The following ADIPOR2 variants were observed in gnomAD, a reference collection of about 807,000 sequenced individuals.
ADIPOR2 encodes adiponectin receptor 2.
Under a neutral mutation model 40.9 loss-of-function variants are expected in ADIPOR2, and 18 were observed. That is an observed-to-expected ratio of 0.44 (90% confidence interval 0.30 to 0.65). ADIPOR2 has a LOEUF of 0.65. Among genes scored for constraint, ADIPOR2 ranks in the 30% least tolerant of loss-of-function variants. The pLI, the probability that ADIPOR2 is intolerant of heterozygous loss-of-function variation, is 0.09. For missense variants in ADIPOR2, 283 were observed against 479.2 expected (o/e 0.59, Z 3.82); for synonymous variants, 165 against 166.4 (o/e 0.99, Z 0.06).
intron 1 of ADIPOR2, among the ~76,000 whole-genome samples, chr12:1,722,058 G>T (rs73591726): frequency 1.3e-5 from 2 of 152,186 alleles, no homozygotes; most frequent in African/African-American, 4.8e-5. Flanking sequence ...TGTCGCTGCC[G>T]TGTGAAGACT....
chr12:1,711,418 A>G (rs1002739905), intron 1 of ADIPOR2, among the ~76,000 whole-genome samples: 26 of 151,998 alleles, frequency 1.7e-4, no homozygotes, highest in Non-Finnish European at 3.2e-4. Context: ...TCCTGGGGCA[A>G]TGTTAATGTT....
chr12:1,730,569 A>T (rs1173912061), intron 1 of ADIPOR2, among the ~76,000 whole-genome samples: 1 of 149,310 alleles, frequency 6.7e-6, no homozygotes, highest in Non-Finnish European at 1.5e-5. Context: ...GTGAGCCGAG[A>T]TAGTGCTACT....
At chr12:1,726,843 CATT>C (rs770094646) in intron 1 of ADIPOR2, among the ~76,000 whole-genome samples, 1 of 152,144 alleles carries the variant, frequency 6.6e-6, no homozygotes, top group African/African-American at 2.4e-5. Context: ...AAAAGAAACT[CATT>C]ATTGTTCCGC....
intron 1 of ADIPOR2, among the ~76,000 whole-genome samples, chr12:1,719,558 G>C (rs2154442067): frequency 6.6e-6 from 1 of 152,242 alleles, no homozygotes; most frequent in South Asian, 2.1e-4. Flanking sequence ...GTATCTTCCA[G>C]GATTGTTGTA....
Position 1,787,142 on chromosome 12 carries a change from A to C in ADIPOR2, c.*1070A>C, listed in dbSNP as rs1862854082. The C allele has an allele frequency of 6.6e-6, 1 of 152,126 alleles. No individual in the cohort carries two copies. The highest frequency in any genetic ancestry group is 1.5e-5 in the Non-Finnish European group (1 of 68,026). 9.4% of individuals were successfully genotyped at this position (152,126 alleles called of 1,614,324 possible). On this transcript the variant is annotated 3_prime_UTR_variant, in exon 8 of 8. Transcript: ENST00000357103. Reference sequence around the variant, plus strand: ...CCCTCTATTAAAAATCACTGCCCTAACTACACTTCCTCCTTGAGGGAATAG... The same window carrying C: ...CCCTCTATTAAAAATCACTGCCCTACCTACACTTCCTCCTTGAGGGAATAG...
chr12:1,736,594 T>G (rs1422704618), intron 1 of ADIPOR2, among the ~76,000 whole-genome samples: 3 of 152,240 alleles, frequency 2.0e-5, no homozygotes, highest in Non-Finnish European at 1.5e-5. Context: ...TGAAGGGTTT[T>G]TTTGTGTCTC....
chr12:1,730,964 T>C (rs527674598), intron 1 of ADIPOR2: 2 of 152,336 alleles, frequency 1.3e-5, no homozygotes, highest in Admixed American at 1.3e-4. Flanking sequence ...GAAAATTATG[T>C]TTATTATTAA....
intron 1 of ADIPOR2, among the ~76,000 whole-genome samples, chr12:1,728,365 C>G (rs1452620343): frequency 6.6e-6 from 1 of 151,830 alleles, no homozygotes; most frequent in East Asian, 2.0e-4. Context: ...CCACCTCAGC[C>G]TTTCAAAGTG....
intron 1 of ADIPOR2, among the ~76,000 whole-genome samples, chr12:1,703,951 G>A (rs1430027036): frequency 2.7e-5 from 4 of 148,458 alleles, no homozygotes; most frequent in Non-Finnish European, 4.4e-5. Flanking sequence ...TGGCCTGACT[G>A]ATCCTCCTGC....
intron 1 of ADIPOR2, among the ~76,000 whole-genome samples, chr12:1,734,494 G>T (rs1416999554): frequency 6.7e-6 from 1 of 148,728 alleles, no homozygotes; most frequent in African/African-American, 2.5e-5. Context: ...TGAGTTCATT[G>T]TAGATTCTGG....
intron 1 of ADIPOR2, among the ~76,000 whole-genome samples, chr12:1,740,605 TGA>T (rs2094740634): frequency 6.6e-6 from 1 of 152,220 alleles, no homozygotes; most frequent in African/African-American, 2.4e-5. Flanking sequence ...ATATGAATTT[TGA>T]GAGGCTACAA....
intron 1 of ADIPOR2, among the ~76,000 whole-genome samples, chr12:1,699,103 C>T (rs988532700): frequency 1.3e-5 from 2 of 152,102 alleles, no homozygotes; most frequent in Non-Finnish European, 2.9e-5. Flanking sequence ...CAAAAAGAAT[C>T]TGGGTGCCTG....
At chr12:1,704,824 T>A (rs1441000509) in intron 1 of ADIPOR2, among the ~76,000 whole-genome samples, 1 of 152,166 alleles carries the variant, frequency 6.6e-6, no homozygotes, top group African/African-American at 2.4e-5. Flanking sequence ...TATTCTAAAT[T>A]TTTCTTTTTT....
intron 1 of ADIPOR2, among the ~76,000 whole-genome samples, chr12:1,709,578 T>C (rs1389861179): frequency 2.0e-5 from 3 of 152,218 alleles, no homozygotes; most frequent in Non-Finnish European, 4.4e-5. Context: ...TGTGGCTTAT[T>C]TTAATTTCTC....
At chr12:1,708,311 A>T (rs1201718309) in intron 1 of ADIPOR2, among the ~76,000 whole-genome samples, 2 of 151,920 alleles carry the variant, frequency 1.3e-5, no homozygotes, top group Non-Finnish European at 2.9e-5. Flanking sequence ...AGATGACTGT[A>T]TTCTTTTGTT....
chr12:1,783,305 A>G (rs1862760884), intron 6 of ADIPOR2, among the ~76,000 whole-genome samples: 2 of 151,946 alleles, frequency 1.3e-5, no homozygotes, highest in Non-Finnish European at 2.9e-5. Context: ...AAACTCCTGG[A>G]GCTGTCCTTT....
In ADIPOR2 at chr12:1,691,137, C is replaced by A. The variant is rs531234826; in HGVS notation, c.-141C>A. On this transcript the variant is annotated 5_prime_UTR_variant, in exon 1 of 8. Coordinates refer to ENST00000357103, the MANE Select transcript of ADIPOR2 (RefSeq NM_024551.3). ...GGCTTGGCCCCCTCCCTCCTCCGTT[C>A]CCCCCTCCTCCCCCCTCCCCTCAGC... 11 of 157,056 alleles carry A rather than the reference C, an allele frequency of 7.0e-5. No individual in the cohort carries two copies. In the East Asian group the frequency reaches 9.5e-4, roughly 14 times the overall value. 9.7% of individuals were successfully genotyped at this position (157,056 alleles called of 1,614,324 possible).
intron 1 of ADIPOR2, chr12:1,702,826 G>A (rs1207576194): frequency 6.6e-6 from 1 of 152,074 alleles, no homozygotes; most frequent in African/African-American, 2.4e-5. Context: ...AGAAACCTGG[G>A]GTGATCACTC....
chr12:1,780,381 CAG>C, intron 4 of ADIPOR2, 68 bp from the exon 5 acceptor site: 4 of 1,352,850 alleles, frequency 3.0e-6, no homozygotes, highest in Non-Finnish European at 3.9e-6. Flanking sequence ...GGATTGAAAA[CAG>C]AATCAGTTAT....
Sources: allele counts gnomAD v4.1 joint callset (sites outside exome capture counted in the v4.1 genomes callset), GRCh38; gene constraint gnomAD v4.1.1; transcripts MANE v1.5; gene names NCBI Gene and HGNC (gene_info 2026-07-23, HGNC 2026-07-21).